KLHL13: variants seen among roughly 807,000 people sequenced by gnomAD.
The protein encoded by KLHL13 is kelch like family member 13.
A neutral mutation model predicts 37.1 loss-of-function variants in KLHL13; 10 were observed. That is an observed-to-expected ratio of 0.27 (90% CI 0.17 to 0.46). KLHL13 has a LOEUF of 0.46. Ranked by LOEUF, KLHL13 falls within the 20% of genes least tolerant of loss-of-function variation. The pLI, the probability that KLHL13 is intolerant of heterozygous loss-of-function variation, is 1.00. For missense variants in KLHL13, 360 were observed against 509.3 expected (o/e 0.71, Z 2.82); for synonymous variants, 163 against 181.2 (o/e 0.90, Z 0.81).
chrX:118,040,445 T>C (rs2054495385), intron 1 of KLHL13, among the ~76,000 whole-genome samples: 1 of 111,808 alleles, frequency 8.9e-6, no homozygotes, highest in African/African-American at 3.3e-5. Context: ...TCAGAGTCTC[T>C]CAACAGTAGA....
chrX:118,089,587 A>AG (rs1290420773), intron 1 of KLHL13, among the ~76,000 whole-genome samples: 3 of 74,225 alleles, frequency 4.0e-5, no homozygotes, highest in Non-Finnish European at 7.6e-5. Context: ...AAAGAAAAGA[A>AG]AAGAGAGAGA....
At chrX:118,047,424 C>T (rs925142081) in intron 1 of KLHL13, among the ~76,000 whole-genome samples, 2 of 111,965 alleles carry the variant, frequency 1.8e-5, no homozygotes, top group African/African-American at 6.5e-5. Flanking sequence ...TCATAACACA[C>T]ATGACAGGCA....
At chrX:118,031,627 A>G (rs1602667637) in intron 1 of KLHL13, among the ~76,000 whole-genome samples, 1 of 99,468 alleles carries the variant, frequency 1.0e-5, no homozygotes. Context: ...ATTTAGTTGT[A>G]TATATATTTA....
chrX:117,989,558 T>C (rs2053765266), intron 1 of KLHL13, among the ~76,000 whole-genome samples: 1 of 110,872 alleles, frequency 9.0e-6, no homozygotes, highest in African/African-American at 3.3e-5. Context: ...AGAATAGCTA[T>C]ATGACAAAAG....
chrX:118,030,674 C>T (rs959199210), intron 1 of KLHL13, among the ~76,000 whole-genome samples: 5 of 111,810 alleles, frequency 4.5e-5, no homozygotes, highest in African/African-American at 9.8e-5. Context: ...CATGGGAATG[C>T]GTTCCTTATA....
At chrX:118,065,065 G>A (rs768063894) in intron 1 of KLHL13, among the ~76,000 whole-genome samples, 2 of 111,164 alleles carry the variant, frequency 1.8e-5, no homozygotes, top group African/African-American at 3.3e-5. Context: ...TCGACAAGAC[G>A]TTCACTATGT....
chrX:117,975,411 G>C (rs1346155851), upstream of KLHL13, among the ~76,000 whole-genome samples: 2 of 112,091 alleles, frequency 1.8e-5, no homozygotes, highest in East Asian at 5.6e-4. Context: ...GCTTTTTTGA[G>C]ATGGAGTCTC....
At chrX:118,099,976 G>A (rs1197748746) in intron 1 of KLHL13, among the ~76,000 whole-genome samples, 1 of 109,759 alleles carries the variant, frequency 9.1e-6, no homozygotes, top group Non-Finnish European at 1.9e-5. Flanking sequence ...CTATACAAAT[G>A]AGCTATACTA....
intron 1 of KLHL13, among the ~76,000 whole-genome samples, chrX:118,033,520 CT>C (rs2148039466): frequency 9.0e-6 from 1 of 110,588 alleles, no homozygotes; most frequent in African/African-American, 3.3e-5. Flanking sequence ...AAATAAAATA[CT>C]TTACAGACAA....
chrX:118,090,939 T>C (rs1469531583), intron 1 of KLHL13, among the ~76,000 whole-genome samples: 92 of 107,953 alleles, frequency 8.5e-4, no homozygotes, highest in Non-Finnish European at 1.3e-3. Context: ...CATGGAATAC[T>C]ATGCAGTCAT....
At chrX:118,027,756 A>G (rs2054291657) in intron 1 of KLHL13, among the ~76,000 whole-genome samples, 1 of 110,704 alleles carries the variant, frequency 9.0e-6, no homozygotes, top group African/African-American at 3.3e-5. Flanking sequence ...ACCATTTCAT[A>G]GGTGAGGAAA....
intron 1 of KLHL13, among the ~76,000 whole-genome samples, chrX:117,988,817 A>T (rs1447173199): frequency 8.9e-6 from 1 of 111,998 alleles, no homozygotes; most frequent in Non-Finnish European, 1.9e-5. Context: ...TGGAACAAGA[A>T]ATGATAGACA....
chrX:118,063,967 T>C (rs149164446), intron 1 of KLHL13, among the ~76,000 whole-genome samples: 151 of 111,608 alleles, frequency 1.4e-3, no homozygotes, highest in Middle Eastern at 9.3e-3. Flanking sequence ...TGTTATATAT[T>C]TTTTTCCGAC....
chrX:117,901,873 G>A, exon 6 of KLHL13: 1 of 1,193,820 alleles, frequency 8.4e-7, no homozygotes, highest in Non-Finnish European at 1.1e-6. Flanking sequence ...TTCCAGCATG[G>A]CCATAGTGGG....
At chrX:118,077,291 G>T (rs970863106) in intron 1 of KLHL13, among the ~76,000 whole-genome samples, 2 of 111,142 alleles carry the variant, frequency 1.8e-5, no homozygotes, top group Non-Finnish European at 3.8e-5. Context: ...AAGTTAAGCA[G>T]TATGCAGTGG....
chrX:117,992,854 T>G (rs893817224), intron 1 of KLHL13, among the ~76,000 whole-genome samples: 1 of 112,002 alleles, frequency 8.9e-6, no homozygotes, highest in African/African-American at 3.2e-5. Flanking sequence ...AAATGAAGAC[T>G]GTAAACTAGC....
At chrX:117,980,879 T>C in intron 1 of KLHL13, among the ~76,000 whole-genome samples, 1 of 111,988 alleles carries the variant, frequency 8.9e-6, no homozygotes, top group African/African-American at 3.2e-5. Context: ...TGCCATAATA[T>C]GAAACCCAAC....
intron 1 of KLHL13, among the ~76,000 whole-genome samples, chrX:117,997,857 TTAAAA>T (rs2053873109): frequency 8.9e-6 from 1 of 112,273 alleles, no homozygotes; most frequent in South Asian, 3.7e-4. Flanking sequence ...CACAAAGCTC[TTAAAA>T]TAAAACATAA....
At chrX:117,899,531 C>A in intron 6 of KLHL13, 136 bp from the exon 8 acceptor site, 1 of 454,022 alleles carries the variant, frequency 2.2e-6, no homozygotes. Context: ...GGACTGTCTT[C>A]CCTCTATAAA....
Sources: allele counts gnomAD v4.1 joint callset (sites outside exome capture counted in the v4.1 genomes callset), GRCh38; gene constraint gnomAD v4.1.1; transcripts MANE v1.5; gene names NCBI Gene and HGNC (gene_info 2026-07-23, HGNC 2026-07-21).